Variants in SNX29 observed in about 807,000 individuals in gnomAD.
The protein encoded by SNX29 is sorting nexin-29.
Under a neutral mutation model 102.1 loss-of-function variants are expected in SNX29, and 78 were observed. The ratio of observed to expected loss-of-function variants is 0.76; its 90% CI spans 0.64 to 0.92. The LOEUF is 0.92. SNX29 is among the 40% of genes least tolerant of loss of function. The pLI is 0.00. For missense variants in SNX29, 1,280 were observed against 1,061.7 expected (o/e 1.21, Z -2.86); for synonymous variants, 580 against 414.5 (o/e 1.40, Z -4.85).
At chr16:12,182,225 G>A (rs983283160) in intron 13 of SNX29, among the ~76,000 whole-genome samples, 122 of 145,362 alleles carry the variant, frequency 8.4e-4, no homozygotes, top group African/African-American at 3.0e-3. Context: ...GGGATTTTGA[G>A]AGATTAAAAA....
intron 3 of SNX29, among the ~76,000 whole-genome samples, chr16:12,023,420 A>G (rs2151101907): frequency 6.6e-6 from 1 of 150,932 alleles, no homozygotes. Flanking sequence ...AAAAAAAAAA[A>G]AAAAAAAAGT....
intron 19 of SNX29, among the ~76,000 whole-genome samples, chr16:12,485,602 G>A (rs550676214): frequency 6.6e-6 from 1 of 152,274 alleles, no homozygotes; most frequent in East Asian, 1.9e-4. Context: ...CCCTCGAGAC[G>A]GCAGGGTCAG....
intron 15 of SNX29, among the ~76,000 whole-genome samples, chr16:12,289,464 G>A (rs371138247): frequency 1.3e-5 from 2 of 152,200 alleles, no homozygotes; most frequent in South Asian, 2.1e-4. Flanking sequence ...ACAGAACCTT[G>A]GATACCTCGT....
At position 12,568,617 on chromosome 16, in the gene SNX29, C is replaced by A. The variant is rs541000088; in HGVS notation, c.2430C>A (p.Ser810Arg). The A allele has an allele frequency of 1.2e-6, 2 of 1,603,842 alleles. No individual in the cohort carries two copies. Among genetic ancestry groups the A allele is most frequent in the South Asian group, 1.1e-5 (1 of 91,066 alleles). Residue 810 changes from serine (S) to arginine (R), a missense_variant, in exon 21 of 21, where the codon AGC becomes AGA. Ser to Arg is a moderately radical substitution (Grantham distance 110). Transcript: ENST00000566228. ...PRETRNVEPQSGDL is the reference protein window; with the variant it reads ...PRETRNVEPQRGDL ...AGACCCGCAACGTGGAGCCCCAGAG[C>A]GGTGACCTCTGACCTCGACAAAACC...
At position 12,571,517 on chromosome 16, in the gene SNX29, G is replaced by C; in HGVS notation, c.*2888G>C. The C allele has an allele frequency of 1.4e-6, 1 of 702,036 alleles. No homozygotes were observed. The highest frequency in any genetic ancestry group is 1.8e-6 in the Non-Finnish European group (1 of 547,794). The allele number at this position is 702,036 out of a possible 1,614,324, so 43.5% of individuals were successfully genotyped here. A position where few individuals can be genotyped will look rare whatever the true frequency, so the allele number is the denominator to read the frequency against. On this transcript the variant is annotated 3_prime_UTR_variant, in exon 21 of 21. Coordinates refer to ENST00000566228, the MANE Select transcript of SNX29 (RefSeq NM_032167.5). ...GGGTGGCCCACCTCTCAAGGGCCTT[G>C]GATTCCTGGGACCACCCTTTGCTGG...
chr16:12,153,542 C>T (rs934499351), intron 13 of SNX29, among the ~76,000 whole-genome samples: 1 of 151,918 alleles, frequency 6.6e-6, no homozygotes, highest in African/African-American at 2.4e-5. Flanking sequence ...GGCATGACCT[C>T]ACCTCACTGC....
intron 14 of SNX29, among the ~76,000 whole-genome samples, chr16:12,265,698 CAAAAAAAAAAAAAA>C (rs67651482): frequency 6.6e-5 from 4 of 60,634 alleles, no homozygotes; most frequent in Admixed American, 2.1e-4. Flanking sequence ...TCAACTCTAC[CAAAAAAAAAAAAAA>C]AAAAAAAAAA....
chr16:12,399,762 T>G (rs972814333), intron 17 of SNX29, among the ~76,000 whole-genome samples: 13 of 151,114 alleles, frequency 8.6e-5, no homozygotes, highest in Non-Finnish European at 1.6e-4. Context: ...GCTGATAGGG[T>G]GGAGAGGCTG....
At chr16:12,166,989 G>A (rs2076031049) in intron 13 of SNX29, among the ~76,000 whole-genome samples, 1 of 152,198 alleles carries the variant, frequency 6.6e-6, no homozygotes, top group Non-Finnish European at 1.5e-5. Flanking sequence ...AGTGGTTAAG[G>A]AAGGTGGTAA....
chr16:12,245,521 T>C (rs747770653), intron 14 of SNX29, among the ~76,000 whole-genome samples: 66 of 151,942 alleles, frequency 4.3e-4, no homozygotes, highest in Non-Finnish European at 7.5e-4. Flanking sequence ...TGACTTCTTC[T>C]AGTTATATTT....
At chr16:12,030,573 G>A (rs1179922771) in intron 4 of SNX29, among the ~76,000 whole-genome samples, 1 of 152,158 alleles carries the variant, frequency 6.6e-6, no homozygotes, top group African/African-American at 2.4e-5. Context: ...CATCCTCAGT[G>A]AATTCTCTTC....
chr16:12,288,681 A>C (rs910776216), intron 15 of SNX29, among the ~76,000 whole-genome samples: 1 of 150,478 alleles, frequency 6.6e-6, no homozygotes, highest in Admixed American at 6.6e-5. Flanking sequence ...ATCTGGGGAA[A>C]AAAAAAAAAA....
intron 20 of SNX29, among the ~76,000 whole-genome samples, chr16:12,538,699 A>T (rs1054692554): frequency 6.6e-6 from 1 of 152,172 alleles, no homozygotes; most frequent in Non-Finnish European, 1.5e-5. Flanking sequence ...CCAGTGGGCG[A>T]GCCTGGGCAT....
At chr16:11,993,583 C>G (rs776218185) in intron 1 of SNX29, among the ~76,000 whole-genome samples, 2 of 151,976 alleles carry the variant, frequency 1.3e-5, no homozygotes, top group African/African-American at 4.8e-5. Context: ...TTTTATCGTC[C>G]GAAGAGGTAG....
intron 15 of SNX29, among the ~76,000 whole-genome samples, chr16:12,340,514 G>C (rs1289263643): frequency 6.6e-6 from 1 of 152,234 alleles, no homozygotes; most frequent in African/African-American, 2.4e-5. Flanking sequence ...AGAATGGGAA[G>C]AGCATGGTTT....
intron 20 of SNX29, among the ~76,000 whole-genome samples, chr16:12,556,177 C>T (rs536845211): frequency 6.6e-6 from 1 of 152,030 alleles, no homozygotes. Context: ...ATGACACATC[C>T]CAGATGTTGC....
chr16:11,995,943 C>T (rs2056056178), intron 1 of SNX29, among the ~76,000 whole-genome samples: 1 of 152,032 alleles, frequency 6.6e-6, no homozygotes, highest in African/African-American at 2.4e-5. Context: ...GCCTGTAATC[C>T]CAGCTTTTTG....
At chr16:12,062,429 T>C (rs566739421) in intron 9 of SNX29, among the ~76,000 whole-genome samples, 1 of 152,092 alleles carries the variant, frequency 6.6e-6, no homozygotes, top group Admixed American at 6.6e-5. Flanking sequence ...AATATGTCTC[T>C]GGTATGGGTA....
At chr16:12,448,195 C>T (rs1597412200) in intron 18 of SNX29, among the ~76,000 whole-genome samples, 1 of 152,246 alleles carries the variant, frequency 6.6e-6, no homozygotes, top group Middle Eastern at 3.4e-3. Context: ...GTGACAAAAC[C>T]AAGGCTTGCG....
Sources: allele counts gnomAD v4.1 joint callset (sites outside exome capture counted in the v4.1 genomes callset), GRCh38; gene constraint gnomAD v4.1.1; transcripts MANE v1.5; gene names NCBI Gene and HGNC (gene_info 2026-07-23, HGNC 2026-07-21).